The following AFF1 variants were observed in gnomAD, a reference collection of about 807,000 sequenced individuals.
AFF1 encodes the protein ALF transcription elongation factor 1.
A neutral mutation model predicts 121.7 loss-of-function variants in AFF1; 48 were observed. That is an observed-to-expected ratio of 0.39 (90% CI 0.31 to 0.50). AFF1 has a LOEUF of 0.50. Ranked by LOEUF, AFF1 falls within the 20% of genes least tolerant of loss-of-function variation. The probability of loss-of-function intolerance (pLI) is 0.76; values close to 1 mark genes in which losing one functional copy is unlikely to be tolerated. For synonymous variants in AFF1, 613 were observed against 563.0 expected (o/e 1.09, Z -1.26); for missense variants, 1,523 against 1,511.7 (o/e 1.01, Z -0.12).
chr4:87,127,170 C>CCT, intron 15 of AFF1, 53 bp downstream of exon 15: 3 of 1,293,502 alleles, frequency 2.3e-6, no homozygotes, highest in Non-Finnish European at 2.2e-6. Context: ...TTTGCTTCCC[C>CCT]CCCCCACCAA....
chr4:86,941,808 T>G (rs1660646412), intron 1 of AFF1, among the ~76,000 whole-genome samples: 1 of 152,098 alleles, frequency 6.6e-6, no homozygotes, highest in African/African-American at 2.4e-5. Context: ...TACTCTAGCC[T>G]GGGCAACAGA....
chr4:87,060,515 A>G (rs1720634483), intron 4 of AFF1, among the ~76,000 whole-genome samples: 1 of 152,174 alleles, frequency 6.6e-6, no homozygotes, highest in Non-Finnish European at 1.5e-5. Flanking sequence ...CTAGACCACA[A>G]CGGTATCATT....
intron 4 of AFF1, among the ~76,000 whole-genome samples, chr4:87,048,326 GA>G (rs1300900630): frequency 5.3e-5 from 8 of 151,848 alleles, no homozygotes; most frequent in Non-Finnish European, 8.8e-5. Flanking sequence ...TTAAAACCAA[GA>G]AAAAAAATAT....
At chr4:86,964,723 T>C (rs556522760) in intron 2 of AFF1, among the ~76,000 whole-genome samples, 1 of 152,324 alleles carries the variant, frequency 6.6e-6, no homozygotes, top group African/African-American at 2.4e-5. Flanking sequence ...CCTGAGCCAC[T>C]GCGCCCGGCT....
chr4:87,059,621 C>T (rs1720524022), intron 4 of AFF1, among the ~76,000 whole-genome samples: 2 of 152,146 alleles, frequency 1.3e-5, no homozygotes, highest in Non-Finnish European at 1.5e-5. Flanking sequence ...CCTTCAGTAC[C>T]TCTCCATCAC....
At chr4:87,127,509 C>A in intron 15 of AFF1, 134 bp from the exon 16 acceptor site, 1 of 782,224 alleles carries the variant, frequency 1.3e-6, no homozygotes, top group Non-Finnish European at 2.1e-6. Context: ...TCCTTATTTC[C>A]ACTTCTCCTT....
chr4:87,098,775 G>A (rs1345974673), intron 8 of AFF1, among the ~76,000 whole-genome samples: 1 of 152,148 alleles, frequency 6.6e-6, no homozygotes, highest in Non-Finnish European at 1.5e-5. Context: ...TTACTTATGT[G>A]GAAGGTTTCT....
intron 8 of AFF1, among the ~76,000 whole-genome samples, chr4:87,097,371 C>T (rs1237513439): frequency 6.6e-6 from 1 of 152,152 alleles, no homozygotes; most frequent in African/African-American, 2.4e-5. Context: ...AAAAGTCACA[C>T]CCTACCACTC....
chr4:86,949,981 G>A (rs1578831219), intron 2 of AFF1: 1 of 1,614,160 alleles, frequency 6.2e-7, no homozygotes. Context: ...TGCCGAGCTG[G>A]CAGATCACAA....
At chr4:87,089,856 G>T in intron 5 of AFF1, 128 bp from the exon 6 acceptor site, 22 of 599,394 alleles carry the variant, frequency 3.7e-5, no homozygotes, top group Middle Eastern at 2.9e-4. Flanking sequence ...TTAAGTACAT[G>T]AAATAACTTT....
chr4:87,051,859 C>A (rs1731299093), intron 4 of AFF1, among the ~76,000 whole-genome samples: 1 of 152,094 alleles, frequency 6.6e-6, no homozygotes, highest in Non-Finnish European at 1.5e-5. Context: ...GATCCCTGGT[C>A]TCATAGACCA....
chr4:86,969,460 C>G (rs1472133942), intron 2 of AFF1, among the ~76,000 whole-genome samples: 1 of 151,116 alleles, frequency 6.6e-6, no homozygotes, highest in Non-Finnish European at 1.5e-5. Context: ...GCCTGGGCAA[C>G]AGAGCGAGCT....
intron 2 of AFF1, among the ~76,000 whole-genome samples, chr4:87,030,608 G>T (rs182887181): frequency 6.6e-6 from 1 of 151,876 alleles, no homozygotes; most frequent in African/African-American, 2.4e-5. Context: ...CAGTTTGGGG[G>T]TGGGAGTATG....
At position 87,047,570 on chromosome 4, in the gene AFF1, G is replaced by A. The variant is rs1302212497; in HGVS notation, c.1035G>A (p.Leu345=). ...CTGCCAAAGCCAAGCTCACCAAACT[G>A]AAGATGCCTTCTCAGTCAGTTGAGG... is the stretch of plus-strand genomic sequence containing the variant. ...KVPAKAKLTK[L]KMPSQSVEQT... The change falls in exon 4 of 21, where the codon CTG becomes CTA. Residue 345 remains leucine (L), a synonymous_variant. Coordinates refer to ENST00000395146, the MANE Select transcript of AFF1 (RefSeq NM_001166693.3). 6.2e-7 allele frequency: 1 copy of A among 1,614,190 alleles called. No individual in the cohort carries two copies. Among genetic ancestry groups the A allele is most frequent in the Non-Finnish European group, 8.5e-7 (1 of 1,180,026 alleles).
chr4:87,127,173 C>CCCT, intron 15 of AFF1, 56 bp downstream of exon 15: 1 of 1,296,346 alleles, frequency 7.7e-7, no homozygotes. Context: ...GCTTCCCCCC[C>CCCT]CCACCAAGAT....
At chr4:87,022,660 A>AC (rs1728109806) in intron 2 of AFF1, among the ~76,000 whole-genome samples, 1 of 138,692 alleles carries the variant, frequency 7.2e-6, no homozygotes, top group Non-Finnish European at 1.6e-5. Flanking sequence ...GTGTATATAT[A>AC]TGTGTGTGTA....
chr4:87,073,280 C>CA (rs55821662), intron 4 of AFF1, among the ~76,000 whole-genome samples: 909 of 83,474 alleles, frequency 0.011, 24 homozygotes, highest in Non-Finnish European at 0.014. Flanking sequence ...GCATTAAAGC[C>CA]AAAAAAAAAA....
At chr4:87,080,919 T>C (rs1308567649) in intron 4 of AFF1, among the ~76,000 whole-genome samples, 1 of 152,266 alleles carries the variant, frequency 6.6e-6, no homozygotes, top group East Asian at 1.9e-4. Flanking sequence ...TATGCAAACT[T>C]TTCAGTAGCC....
chr4:86,997,971 G>C (rs2149515905), intron 2 of AFF1, among the ~76,000 whole-genome samples: 1 of 152,014 alleles, frequency 6.6e-6, no homozygotes, highest in Admixed American at 6.6e-5. Flanking sequence ...GGTGGCACAT[G>C]CCTGTAATCA....
Sources: allele counts gnomAD v4.1 joint callset (sites outside exome capture counted in the v4.1 genomes callset), GRCh38; gene constraint gnomAD v4.1.1; transcripts MANE v1.5; gene names NCBI Gene and HGNC (gene_info 2026-07-23, HGNC 2026-07-21).